BABAM2: variants seen among roughly 807,000 people sequenced by gnomAD.
The protein encoded by BABAM2 is BRISC and BRCA1-A complex member 2.
In BABAM2, 31 loss-of-function variants were observed where a neutral mutation model predicts 54.7. The ratio of observed to expected loss-of-function variants is 0.57; its 90% CI spans 0.43 to 0.77. The LOEUF is 0.77. Among genes scored for constraint, BABAM2 ranks in the 30% least tolerant of loss-of-function variants. BABAM2 has a pLI of 0.00. For missense variants in BABAM2, 364 were observed against 455.8 expected (o/e 0.80, Z 1.83); for synonymous variants, 167 against 162.9 (o/e 1.03, Z -0.19).
rs182390646 is a variant in BABAM2, at chr2:28,108,730, C to T, written c.571-20541C>T. Among the ~76,000 whole-genome samples, 41 of 152,236 alleles carry T rather than the reference C, an allele frequency of 2.7e-4. No individual in the cohort carries two copies. In the East Asian group the frequency reaches 5.8e-3, roughly 21 times the overall value. On this transcript the variant is annotated intron_variant, in intron 6 of 11. Coordinates refer to ENST00000379624, the MANE Select transcript of BABAM2 (RefSeq NM_199191.3). ...CAGTGTAGAGACACTTTTGATCTCT[C>T]TTCCTCTTTGGGATCTTGCATTTCC...
chr2:28,244,691 G>A (rs1682755410), intron 9 of BABAM2, 89 bp from the exon 10 acceptor site: 9 of 1,245,518 alleles, frequency 7.2e-6, no homozygotes, highest in Admixed American at 1.9e-5. Context: ...CTGACTTCAC[G>A]AATATATTCT....
chr2:28,142,498 T>C (rs1018688015), intron 7 of BABAM2, among the ~76,000 whole-genome samples: 1 of 152,142 alleles, frequency 6.6e-6, no homozygotes, highest in African/African-American at 2.4e-5. Flanking sequence ...TGACAACCTT[T>C]TTTTCCCTGC....
chr2:28,315,041 G>T (rs1689403523), intron 11 of BABAM2, among the ~76,000 whole-genome samples: 1 of 124,236 alleles, frequency 8.0e-6, no homozygotes. Flanking sequence ...AGAGAAGAAA[G>T]AAAGGGAAGG....
chr2:27,964,523 C>G (rs972184933), intron 3 of BABAM2, among the ~76,000 whole-genome samples: 15 of 152,136 alleles, frequency 9.9e-5, no homozygotes. Flanking sequence ...GCTGGATTAG[C>G]AAAACTTTGG....
chr2:27,895,250 G>C (rs1665196467), intron 2 of BABAM2, among the ~76,000 whole-genome samples: 1 of 152,058 alleles, frequency 6.6e-6, no homozygotes, highest in Non-Finnish European at 1.5e-5. Flanking sequence ...TTGTTCTACA[G>C]GTCTTATTTG....
intron 7 of BABAM2, among the ~76,000 whole-genome samples, chr2:28,188,807 A>G (rs1250781753): frequency 4.6e-5 from 7 of 152,192 alleles, no homozygotes; most frequent in South Asian, 2.1e-4. Context: ...GCAAACACAT[A>G]TTTAATATTG....
intron 3 of BABAM2, among the ~76,000 whole-genome samples, chr2:27,948,696 G>A (rs967764582): frequency 6.6e-6 from 1 of 152,050 alleles, no homozygotes. Flanking sequence ...GCTTGAACCC[G>A]GGAGGTGGAG....
At chr2:28,164,740 A>C (rs1319482419) in intron 7 of BABAM2, among the ~76,000 whole-genome samples, 1 of 152,052 alleles carries the variant, frequency 6.6e-6, no homozygotes, top group African/African-American at 2.4e-5. Flanking sequence ...GCCTTGTCAC[A>C]TGTATCTTGG....
chr2:28,084,691 A>G (rs1213893362), intron 6 of BABAM2, among the ~76,000 whole-genome samples: 2 of 152,124 alleles, frequency 1.3e-5, no homozygotes, highest in Non-Finnish European at 2.9e-5. Flanking sequence ...GCTTTGATCC[A>G]TGGAATGAAT....
At chr2:28,012,820 A>G (rs1460819135) in intron 4 of BABAM2, among the ~76,000 whole-genome samples, 6 of 152,244 alleles carry the variant, frequency 3.9e-5, no homozygotes, top group African/African-American at 1.2e-4. Flanking sequence ...TTTCCAAGAT[A>G]GAAAGGAATT....
intron 6 of BABAM2, among the ~76,000 whole-genome samples, chr2:28,059,057 C>T (rs1306794637): frequency 6.6e-6 from 1 of 152,098 alleles, no homozygotes; most frequent in African/African-American, 2.4e-5. Flanking sequence ...ATTCTTTTTG[C>T]TTAGCTGAGT....
At chr2:28,311,275 AAAAAG>A (rs1319505699) in intron 11 of BABAM2, among the ~76,000 whole-genome samples, 44 of 152,116 alleles carry the variant, frequency 2.9e-4, no homozygotes, top group Middle Eastern at 3.4e-3. Flanking sequence ...AAAAAAAAAA[AAAAAG>A]AACAATCGAG....
chr2:28,059,587 T>A (rs1235530333), intron 6 of BABAM2, among the ~76,000 whole-genome samples: 1 of 152,208 alleles, frequency 6.6e-6, no homozygotes, highest in Non-Finnish European at 1.5e-5. Context: ...CTCTTTTCCA[T>A]AGACCAGCAA....
chr2:28,113,394 T>G (rs565536760), intron 6 of BABAM2, among the ~76,000 whole-genome samples: 6 of 152,314 alleles, frequency 3.9e-5, no homozygotes, highest in African/African-American at 1.4e-4. Context: ...TTCCCAACGC[T>G]ATGCAATAGG....
intron 2 of BABAM2, among the ~76,000 whole-genome samples, chr2:27,919,709 G>A (rs1035880143): frequency 6.6e-6 from 1 of 152,110 alleles, no homozygotes; most frequent in South Asian, 2.1e-4. Context: ...AAAGTTAAAG[G>A]ATTTTTTCCC....
chr2:28,111,130 G>A (rs2148726195), intron 6 of BABAM2, among the ~76,000 whole-genome samples: 1 of 147,908 alleles, frequency 6.8e-6, no homozygotes, highest in East Asian at 2.0e-4. Context: ...CACCACGCCT[G>A]GCTATTTTTT....
intron 11 of BABAM2, among the ~76,000 whole-genome samples, chr2:28,331,927 G>A (rs544844960): frequency 1.3e-5 from 2 of 152,302 alleles, no homozygotes; most frequent in African/African-American, 4.8e-5. Flanking sequence ...CAGTCCATCA[G>A]TGATAGACTG....
intron 6 of BABAM2, among the ~76,000 whole-genome samples, chr2:28,104,588 G>A (rs1191900317): frequency 2.6e-5 from 4 of 152,156 alleles, no homozygotes; most frequent in East Asian, 1.9e-4. Flanking sequence ...TACACTGTTG[G>A]TGGGACTGTA....
chr2:27,906,810 A>G (rs1451742254), intron 2 of BABAM2, among the ~76,000 whole-genome samples: 2 of 135,486 alleles, frequency 1.5e-5, no homozygotes, highest in Admixed American at 7.0e-5. Flanking sequence ...TGTTCAAAGG[A>G]AAAAAAAAAT....
Sources: gnomAD v4.1 joint callset for allele counts (sites outside exome capture counted in the v4.1 genomes callset) on GRCh38, gnomAD v4.1.1 for gene constraint, MANE v1.5 for transcripts, NCBI Gene and HGNC (gene_info 2026-07-23, HGNC 2026-07-21) for gene names.